The following SORD variants were observed in gnomAD, a reference collection of about 807,000 sequenced individuals.
The protein encoded by SORD is (R,R)-butanediol dehydrogenase.
A neutral mutation model predicts 35.6 loss-of-function variants in SORD; 18 were observed. The observed-to-expected ratio is 0.51, with a 90% CI of 0.35 to 0.75. The LOEUF (loss-of-function observed/expected upper bound fraction) is 0.75, where lower values mean the gene tolerates loss of function less well. SORD is among the 30% of genes least tolerant of loss of function. The pLI is 0.01. For missense variants in SORD, 250 were observed against 390.2 expected (o/e 0.64, Z 3.03); for synonymous variants, 106 against 152.9 (o/e 0.69, Z 2.26).
At chr15:45,042,789 G>GTGTA (rs1270803025) in intron 2 of SORD, among the ~76,000 whole-genome samples, 1 of 151,272 alleles carries the variant, frequency 6.6e-6, no homozygotes, top group Non-Finnish European at 1.5e-5. Flanking sequence ...TAAGATATAT[G>GTGTA]TGTATGTATG....
intron 1 of SORD, among the ~76,000 whole-genome samples, chr15:45,034,187 C>T (rs202067683): frequency 0.026 from 3,839 of 150,260 alleles, 78 homozygotes; most frequent in South Asian, 0.094. Context: ...CATTCCCTTT[C>T]ATGATTATCA....
At position 45,027,404 on chromosome 15, in the gene SORD, G is replaced by A. The variant is rs151210531; in HGVS notation, c.66+4055G>A. Among the ~76,000 whole-genome samples the A allele has an allele frequency of 4.6e-5, 7 of 152,384 alleles. No homozygotes were observed. In the East Asian group the frequency reaches 1.3e-3, roughly 29 times the overall value. Reference sequence around the variant, plus strand: ...ACTTCCCCGTGAAATGGGGATAATGGTAGTATTCATCTTTGGTTGTATGAG... The same window carrying A: ...ACTTCCCCGTGAAATGGGGATAATGATAGTATTCATCTTTGGTTGTATGAG... On this transcript the variant is annotated intron_variant, in intron 1 of 8. Coordinates refer to ENST00000267814, the MANE Select transcript of SORD (RefSeq NM_003104.6).
chr15:45,062,006 T>A (rs199850197), intron 4 of SORD, among the ~76,000 whole-genome samples: 2,121 of 146,018 alleles, frequency 0.015, 38 homozygotes, highest in East Asian at 0.048. Flanking sequence ...TGGCAAGTGA[T>A]TTTGGAGAAA....
intron 3 of SORD, chr15:45,058,731 G>C (rs1464798300): frequency 6.6e-6 from 1 of 152,226 alleles, no homozygotes; most frequent in Non-Finnish European, 1.5e-5. Flanking sequence ...CTCAGCAGCA[G>C]AGCAGGAGAC....
In SORD at chr15:45,061,179, C is replaced by T. The variant is rs777767558; in HGVS notation, c.378C>T (p.Asp126=). ...SIFFCATPPD[D]GNLCRFYKHN... is the part of the protein sequence containing the mutation. Reference sequence around the variant, plus strand: ...TCTTCTGTGCCACGCCCCCCGATGACGGGAACCTCTGCCGGTTCTATAAGC... The same window carrying T: ...TCTTCTGTGCCACGCCCCCCGATGATGGGAACCTCTGCCGGTTCTATAAGC... The change falls in exon 4 of 9, where the codon GAC becomes GAT. Residue 126 remains aspartate (D), a synonymous_variant. Coordinates refer to ENST00000267814, the MANE Select transcript of SORD (RefSeq NM_003104.6). The T allele has an allele frequency of 3.6e-4, 577 of 1,612,428 alleles. 3 individuals carry two copies. Among genetic ancestry groups the T allele is most frequent in the African/African-American group, 1.9e-3 (138 of 74,430 alleles).
intron 7 of SORD, among the ~76,000 whole-genome samples, chr15:45,071,100 G>A (rs1258089470): frequency 6.6e-6 from 1 of 152,258 alleles, no homozygotes; most frequent in African/African-American, 2.4e-5. Context: ...TTTGTGATGA[G>A]ACGTGGCAGA....
intron 4 of SORD, among the ~76,000 whole-genome samples, chr15:45,062,528 A>C (rs1893335987): frequency 6.6e-6 from 1 of 151,900 alleles, no homozygotes; most frequent in South Asian, 2.1e-4. Flanking sequence ...TGCCAGTCAC[A>C]GGAGCAGTCT....
At chr15:45,071,531 C>T (rs2467824) in intron 7 of SORD, among the ~76,000 whole-genome samples, 45 of 152,256 alleles carry the variant, frequency 3.0e-4, no homozygotes, top group Admixed American at 2.1e-3. Flanking sequence ...GTTTAGCACC[C>T]AGAATGGTCC....
At chr15:45,035,341 G>A (rs1363159622) in intron 1 of SORD, among the ~76,000 whole-genome samples, 1 of 152,196 alleles carries the variant, frequency 6.6e-6, no homozygotes, top group Non-Finnish European at 1.5e-5. Flanking sequence ...CTAGCTCAGA[G>A]CTTGTAAATA....
At chr15:45,071,418 C>G (rs1278866169) in intron 7 of SORD, among the ~76,000 whole-genome samples, 1 of 152,130 alleles carries the variant, frequency 6.6e-6, no homozygotes, top group Non-Finnish European at 1.5e-5. Context: ...CACCACAGGC[C>G]TGTCTCCATG....
At chr15:45,036,263 C>T (rs1429347838) in intron 1 of SORD, 2 of 447,618 alleles carry the variant, frequency 4.5e-6, no homozygotes, top group Non-Finnish European at 8.9e-6. Context: ...CAATTCCGGA[C>T]ACAAAGAGAG....
chr15:45,034,366 G>C (rs890405648), intron 1 of SORD, among the ~76,000 whole-genome samples: 4 of 152,136 alleles, frequency 2.6e-5, no homozygotes, highest in African/African-American at 9.6e-5. Flanking sequence ...TTCCATTTCT[G>C]CTTGTGTTGA....
chr15:45,025,944 C>T (rs1306565523), intron 1 of SORD, among the ~76,000 whole-genome samples: 1 of 152,108 alleles, frequency 6.6e-6, no homozygotes, highest in African/African-American at 2.4e-5. Flanking sequence ...GATGGCTGAG[C>T]TTGCCTGGGC....
At chr15:45,030,089 T>C (rs893465085) in intron 1 of SORD, among the ~76,000 whole-genome samples, 2 of 152,352 alleles carry the variant, frequency 1.3e-5, no homozygotes, top group South Asian at 2.1e-4. Context: ...GGAAGACAAG[T>C]TCTTGATCCA....
chr15:45,060,301 C>T lies in SORD; in HGVS notation c.266-766C>T, dbSNP rs184823067. On this transcript the variant is annotated intron_variant, in intron 3 of 8. Coordinates refer to ENST00000267814, the MANE Select transcript of SORD (RefSeq NM_003104.6). Reference sequence around the variant, plus strand: ...TGTAGGAGGAGGGTATCCAGGTGTTCGCTATACAGTTCTTTGAATTTTGCT... The same window carrying T: ...TGTAGGAGGAGGGTATCCAGGTGTTTGCTATACAGTTCTTTGAATTTTGCT... Among the ~76,000 whole-genome samples, 30 of 152,208 alleles carry T rather than the reference C, an allele frequency of 2.0e-4. No individual in the cohort carries two copies. In the East Asian group the frequency reaches 4.1e-3, roughly 21 times the overall value.
At position 45,074,218 on chromosome 15, in the gene SORD, G is replaced by C. The variant is rs1039087909; in HGVS notation, c.*688G>C. 3 of 146,118 alleles carry C rather than the reference G, an allele frequency of 2.1e-5. No homozygotes were observed. The highest frequency in any genetic ancestry group is 4.5e-5 in the Non-Finnish European group (3 of 67,234). 9.1% of individuals were successfully genotyped at this position (146,118 alleles called of 1,614,324 possible). On this transcript the variant is annotated 3_prime_UTR_variant, in exon 9 of 9. Transcript: ENST00000267814. ...GACTACTCAGCACTGTTTGAAGATT[G>C]CCTCTTCTACAGCTTCTGAGAATTG... is the stretch of plus-strand genomic sequence containing the variant.
chr15:45,053,291 A>T (rs965817425), intron 3 of SORD, among the ~76,000 whole-genome samples: 1 of 152,196 alleles, frequency 6.6e-6, no homozygotes, highest in African/African-American at 2.4e-5. Context: ...GTGTTCTCTT[A>T]TGAGATTCTG....
At chr15:45,029,450 C>T (rs1292807713) in intron 1 of SORD, among the ~76,000 whole-genome samples, 1 of 152,290 alleles carries the variant, frequency 6.6e-6, no homozygotes, top group East Asian at 1.9e-4. Flanking sequence ...ATCCAGCCAG[C>T]TGCTCCAGGC....
At chr15:45,055,361 C>T (rs918631062) in intron 3 of SORD, among the ~76,000 whole-genome samples, 2 of 152,120 alleles carry the variant, frequency 1.3e-5, no homozygotes, top group African/African-American at 4.8e-5. Context: ...ATTACAAACA[C>T]CTCTATGCAA....
Sources: gnomAD v4.1 joint callset for allele counts (sites outside exome capture counted in the v4.1 genomes callset) on GRCh38, gnomAD v4.1.1 for gene constraint, MANE v1.5 for transcripts, NCBI Gene and HGNC (gene_info 2026-07-23, HGNC 2026-07-21) for gene names.